The following CPNE4 variants were observed in gnomAD, a reference collection of about 807,000 sequenced individuals.
CPNE4 encodes the protein copine 4.
In CPNE4, 25 loss-of-function variants were observed where a neutral mutation model predicts 67.9. The observed-to-expected ratio is 0.37, with a 90% CI of 0.27 to 0.51. The LOEUF (loss-of-function observed/expected upper bound fraction) is 0.51, where lower values mean the gene tolerates loss of function less well. Ranked by LOEUF, CPNE4 falls within the 20% of genes least tolerant of loss-of-function variation. CPNE4 has a pLI of 0.93. For synonymous variants in CPNE4, 242 were observed against 244.9 expected, an observed-to-expected ratio of 0.99 and a Z score of 0.11; for missense variants, 464 against 690.8, an observed-to-expected ratio of 0.67 and a Z score of 3.68.
At chr3:131,568,514 A>C (rs993807738) in intron 10 of CPNE4, among the ~76,000 whole-genome samples, 1 of 151,938 alleles carries the variant, frequency 6.6e-6, no homozygotes, top group African/African-American at 2.4e-5. Flanking sequence ...TCCTGATAGG[A>C]AGCATTTATG....
intron 1 of CPNE4, among the ~76,000 whole-genome samples, chr3:131,966,678 G>C (rs759918468): frequency 6.6e-6 from 1 of 152,116 alleles, no homozygotes; most frequent in Non-Finnish European, 1.5e-5. Flanking sequence ...CCAGGAAGAA[G>C]TCGAATCCCA....
At chr3:131,794,930 G>T (rs1192403965) in intron 2 of CPNE4, among the ~76,000 whole-genome samples, 2 of 152,214 alleles carry the variant, frequency 1.3e-5, no homozygotes, top group Non-Finnish European at 2.9e-5. Context: ...AGAGGAAAGG[G>T]TGTGTTTCCC....
chr3:132,025,175 G>A (rs1052595529), intron 1 of CPNE4, among the ~76,000 whole-genome samples: 7 of 152,074 alleles, frequency 4.6e-5, no homozygotes, highest in East Asian at 1.9e-4. Context: ...TTAGACTTTC[G>A]TAACAGAGAG....
intron 5 of CPNE4, among the ~76,000 whole-genome samples, chr3:131,691,300 G>A (rs2081027937): frequency 6.6e-6 from 1 of 152,114 alleles, no homozygotes; most frequent in South Asian, 2.1e-4. Flanking sequence ...CATATAATCA[G>A]TCTAGGTGCC....
chr3:131,984,650 T>C (rs2072998469), intron 1 of CPNE4, among the ~76,000 whole-genome samples: 1 of 152,224 alleles, frequency 6.6e-6, no homozygotes, highest in Admixed American at 6.5e-5. Context: ...ATCTTCCAAC[T>C]GTATCACCTA....
At chr3:131,784,884 A>G (rs2083517931) in intron 2 of CPNE4, among the ~76,000 whole-genome samples, 1 of 152,038 alleles carries the variant, frequency 6.6e-6, no homozygotes. Flanking sequence ...ATTGCAACCA[A>G]TCTCCTACTA....
At chr3:131,921,227 A>T (rs1354297507) in intron 1 of CPNE4, among the ~76,000 whole-genome samples, 5 of 152,180 alleles carry the variant, frequency 3.3e-5, no homozygotes, top group African/African-American at 1.2e-4. Flanking sequence ...AGAACACCAG[A>T]GTACGTTCTT....
chr3:131,978,972 A>T lies in CPNE4; in HGVS notation c.-2+55595T>A, dbSNP rs528622853. On this transcript the variant is annotated intron_variant, in intron 1 of 15. Coordinates refer to ENST00000429747, the MANE Select transcript of CPNE4 (RefSeq NM_130808.3). The stretch of plus-strand genomic sequence containing the variant: ...TCCAATGCTCATTCAGGAGCAGGTT[A>T]TTTAATTTCCAAGTATTTGCATGGT... Among the ~76,000 whole-genome samples, 3 of 152,198 alleles carry T rather than the reference A, an allele frequency of 2.0e-5. No individual in the cohort carries two copies. In the East Asian group the frequency reaches 5.8e-4, roughly 29 times the overall value.
intron 2 of CPNE4, among the ~76,000 whole-genome samples, chr3:131,778,704 T>C (rs562658867): frequency 4.6e-5 from 7 of 152,206 alleles, no homozygotes; most frequent in East Asian, 1.9e-4. Flanking sequence ...AGAAACTCTT[T>C]CCTTCCTGTC....
intron 3 of CPNE4, among the ~76,000 whole-genome samples, chr3:131,701,384 C>T (rs2081296683): frequency 6.6e-6 from 1 of 152,112 alleles, no homozygotes; most frequent in South Asian, 2.1e-4. Flanking sequence ...GTAATATTCT[C>T]CCCTCAAGTG....
intron 10 of CPNE4, among the ~76,000 whole-genome samples, chr3:131,567,350 A>G (rs1937111493): frequency 1.3e-5 from 2 of 151,954 alleles, no homozygotes; most frequent in South Asian, 4.1e-4. Flanking sequence ...ATATCTAGAT[A>G]AGTGTGTGTA....
intron 10 of CPNE4, among the ~76,000 whole-genome samples, chr3:131,565,074 A>G (rs1175932631): frequency 6.6e-6 from 1 of 151,964 alleles, no homozygotes; most frequent in Non-Finnish European, 1.5e-5. Flanking sequence ...ATGTAAGTAA[A>G]CGTTGAGTCA....
At chr3:131,794,105 G>C (rs1008006530) in intron 2 of CPNE4, among the ~76,000 whole-genome samples, 1 of 152,156 alleles carries the variant, frequency 6.6e-6, no homozygotes, top group African/African-American at 2.4e-5. Flanking sequence ...ATGCAAACAG[G>C]AGTCATCTCT....
At chr3:131,550,112 C>G in intron 13 of CPNE4, 32 bp from the exon 14 acceptor site, 13 of 1,610,174 alleles carry the variant, frequency 8.1e-6, no homozygotes, top group Non-Finnish European at 1.1e-5. Context: ...TCAACAGCTC[C>G]AGAGTCACTC....
chr3:131,734,411 T>C (rs935758792), intron 2 of CPNE4, among the ~76,000 whole-genome samples: 6 of 152,198 alleles, frequency 3.9e-5, no homozygotes, highest in African/African-American at 1.4e-4. Flanking sequence ...GGTGGAAATG[T>C]GGTGTTGGGA....
intron 1 of CPNE4, among the ~76,000 whole-genome samples, chr3:131,988,052 C>T (rs1202216022): frequency 6.6e-6 from 1 of 152,254 alleles, no homozygotes; most frequent in South Asian, 2.1e-4. Context: ...TGAGTCTCTG[C>T]CATGTGCTAT....
Position 131,552,471 on chromosome 3 carries a change from G to T in CPNE4, c.1137C>A (p.Ile379=). 1 of 1,612,602 alleles carries T rather than the reference G, an allele frequency of 6.2e-7. No homozygotes were observed. The highest frequency in any genetic ancestry group is 8.5e-7 in the Non-Finnish European group (1 of 1,179,040). Reference sequence around the variant, plus strand: ...ATTCTGGGTTGTCTTCATTAAAGTTGATTGCAAAGTCATGAGAGACCTAGA... The same window carrying T: ...ATTCTGGGTTGTCTTCATTAAAGTTTATTGCAAAGTCATGAGAGACCTAGA... ...PEYTVSHDFA[I]NFNEDNPECA... Residue 379 remains isoleucine (I), a synonymous_variant, in exon 13 of 16, where the codon ATC becomes ATA. Coordinates refer to ENST00000429747, the MANE Select transcript of CPNE4 (RefSeq NM_130808.3).
At chr3:131,717,789 C>T (rs2081738219) in intron 3 of CPNE4, among the ~76,000 whole-genome samples, 1 of 152,132 alleles carries the variant, frequency 6.6e-6, no homozygotes, top group Admixed American at 6.5e-5. Context: ...AATTGGTTTC[C>T]CTGCCATCCA....
intron 2 of CPNE4, among the ~76,000 whole-genome samples, chr3:131,807,998 A>C (rs2084381578): frequency 6.6e-6 from 1 of 152,182 alleles, no homozygotes; most frequent in Non-Finnish European, 1.5e-5. Context: ...GCATAAGGTA[A>C]TGCTAGAGGA....
Sources: allele counts gnomAD v4.1 joint callset (sites outside exome capture counted in the v4.1 genomes callset), GRCh38; gene constraint gnomAD v4.1.1; transcripts MANE v1.5; gene names NCBI Gene and HGNC (gene_info 2026-07-23, HGNC 2026-07-21).